NCKAP5: variants seen among roughly 807,000 people sequenced by gnomAD.
NCKAP5 encodes NCK associated protein 5, also known as nck-associated protein 5.
In NCKAP5, 92 loss-of-function variants were observed where a neutral mutation model predicts 167.0. The ratio of observed to expected loss-of-function variants is 0.55; its 90% CI spans 0.47 to 0.66. The LOEUF is 0.66. NCKAP5 is among the 30% of genes least tolerant of loss of function. NCKAP5 has a pLI of 0.00. For synonymous variants in NCKAP5, 891 were observed against 877.4 expected (o/e 1.02, Z -0.27); for missense variants, 2,378 against 2,315.0 (o/e 1.03, Z -0.56).
chr2:132,695,296 T>G (rs897590525), intron 19 of NCKAP5, among the ~76,000 whole-genome samples: 3 of 152,160 alleles, frequency 2.0e-5, no homozygotes, highest in Admixed American at 6.5e-5. Context: ...AAAAAAAGTC[T>G]GTTATTTTCT....
At chr2:133,517,931 C>T (rs1684148617) in intron 2 of NCKAP5, among the ~76,000 whole-genome samples, 1 of 152,160 alleles carries the variant, frequency 6.6e-6, no homozygotes, top group Non-Finnish European at 1.5e-5. Flanking sequence ...TTACTGTGCA[C>T]ATAGATGCTG....
At chr2:133,291,010 A>C (rs1184742484) in intron 4 of NCKAP5, among the ~76,000 whole-genome samples, 1 of 152,102 alleles carries the variant, frequency 6.6e-6, no homozygotes, top group Admixed American at 6.6e-5. Context: ...GTGAGCCACC[A>C]TGCTTGGACA....
chr2:132,673,076 G>C lies in NCKAP5; in HGVS notation c.*213C>G. ...ACAGGAAGAGAAGCTATCATATAAA[G>C]AATCACTCAAAGATTCCAAGTTGTC... On this transcript the variant is annotated 3_prime_UTR_variant, in exon 20 of 20. Coordinates refer to ENST00000409261, the MANE Select transcript of NCKAP5 (RefSeq NM_207363.3). The C allele has an allele frequency of 1.7e-6, 2 of 1,182,884 alleles. No homozygotes were observed. Among genetic ancestry groups the C allele is most frequent in the South Asian group, 6.7e-5 (2 of 29,884 alleles). 73.3% of individuals were successfully genotyped at this position (1,182,884 alleles called of 1,614,324 possible).
At position 132,955,892 on chromosome 2, in the gene NCKAP5, G is replaced by A. The variant is rs141326944; in HGVS notation, c.579+7828C>T. Reference sequence around the variant, plus strand: ...ACATCTCATTGTGGTTTTGATTTGCGTTTCTCTAATGATCAGTGATGGTGA... The same window carrying A: ...ACATCTCATTGTGGTTTTGATTTGCATTTCTCTAATGATCAGTGATGGTGA... On this transcript the variant is annotated intron_variant, in intron 8 of 19. Coordinates refer to ENST00000409261, the MANE Select transcript of NCKAP5 (RefSeq NM_207363.3). Among the ~76,000 whole-genome samples the A allele has an allele frequency of 3.0e-4, 45 of 152,062 alleles. No individual in the cohort carries two copies. In the East Asian group the frequency reaches 6.4e-3, roughly 22 times the overall value.
intron 5 of NCKAP5, among the ~76,000 whole-genome samples, chr2:133,210,417 A>C (rs987884497): frequency 6.6e-6 from 1 of 152,078 alleles, no homozygotes; most frequent in Non-Finnish European, 1.5e-5. Flanking sequence ...TGCTTACATA[A>C]TTTCTTCTAT....
intron 2 of NCKAP5, among the ~76,000 whole-genome samples, chr2:133,524,950 A>G (rs1344249199): frequency 1.3e-5 from 2 of 152,136 alleles, no homozygotes; most frequent in South Asian, 2.1e-4. Context: ...GCATGTGTGT[A>G]CATGCGCATG....
the NCKAP5 span, among the ~76,000 whole-genome samples, chr2:133,600,370 G>T: frequency 6.6e-6 from 1 of 152,124 alleles, no homozygotes. Flanking sequence ...CAGGAAGAAA[G>T]AGAGAGAAGT....
At chr2:133,196,266 G>A (rs184973266) in intron 5 of NCKAP5, among the ~76,000 whole-genome samples, 81 of 152,250 alleles carry the variant, frequency 5.3e-4, no homozygotes, top group South Asian at 2.3e-3. Flanking sequence ...TGAAAGCTAA[G>A]AGCAGGGAAC....
intron 3 of NCKAP5, among the ~76,000 whole-genome samples, chr2:133,429,437 A>C (rs1690017544): frequency 6.6e-6 from 1 of 152,020 alleles, no homozygotes; most frequent in Non-Finnish European, 1.5e-5. Flanking sequence ...AAAAAGTTTT[A>C]CAGTCCTTCC....
intron 11 of NCKAP5, among the ~76,000 whole-genome samples, chr2:132,829,419 G>A (rs1687363260): frequency 6.6e-6 from 1 of 152,092 alleles, no homozygotes. Flanking sequence ...ACACGGATTT[G>A]CACACCACAA....
At chr2:133,006,890 C>T (rs980838178) in intron 6 of NCKAP5, among the ~76,000 whole-genome samples, 25 of 152,160 alleles carry the variant, frequency 1.6e-4, no homozygotes, top group Non-Finnish European at 2.9e-5. Context: ...CCCATCTAGC[C>T]GTATGGATGC....
chr2:133,521,766 A>G (rs1232419129), intron 2 of NCKAP5, among the ~76,000 whole-genome samples: 1 of 152,252 alleles, frequency 6.6e-6, no homozygotes, highest in Admixed American at 6.5e-5. Context: ...CTCCAAATAC[A>G]GTCACATTGG....
chr2:132,763,010 A>C (rs754307509), intron 16 of NCKAP5, among the ~76,000 whole-genome samples: 25 of 152,234 alleles, frequency 1.6e-4, no homozygotes, highest in Non-Finnish European at 2.8e-4. Flanking sequence ...TCATATGAAT[A>C]CATGATTCTA....
At chr2:133,594,899 T>G in the NCKAP5 span, among the ~76,000 whole-genome samples, 1 of 152,108 alleles carries the variant, frequency 6.6e-6, no homozygotes, top group Admixed American at 6.5e-5. Flanking sequence ...CATTCATTCA[T>G]TCATTCGACA....
intron 16 of NCKAP5, among the ~76,000 whole-genome samples, chr2:132,770,795 C>T (rs947530396): frequency 6.6e-5 from 10 of 152,106 alleles, no homozygotes; most frequent in African/African-American, 1.9e-4. Context: ...TGGCCAATGA[C>T]GAACTGCATA....
chr2:133,647,063 A>T, the NCKAP5 span, among the ~76,000 whole-genome samples: 48 of 152,140 alleles, frequency 3.2e-4, 1 homozygote. Context: ...CAAGAGAAGA[A>T]AAAAACAGAT....
chr2:132,893,147 T>C (rs1038589042), intron 8 of NCKAP5, among the ~76,000 whole-genome samples: 10 of 152,124 alleles, frequency 6.6e-5, no homozygotes, highest in Non-Finnish European at 2.9e-5. Flanking sequence ...AATGAAAACA[T>C]CTTACATGGC....
chr2:133,392,180 G>A (rs1687456031), intron 3 of NCKAP5, among the ~76,000 whole-genome samples: 1 of 152,164 alleles, frequency 6.6e-6, no homozygotes, highest in Non-Finnish European at 1.5e-5. Context: ...AGTCCCATAA[G>A]ATTATAAAAC....
chr2:133,571,753 A>C (rs1487900627), upstream of NCKAP5, among the ~76,000 whole-genome samples: 1 of 152,164 alleles, frequency 6.6e-6, no homozygotes, highest in Non-Finnish European at 1.5e-5. Flanking sequence ...GGGACCTACA[A>C]GGACCATGAT....
Sources: gnomAD v4.1 joint callset for allele counts (sites outside exome capture counted in the v4.1 genomes callset) on GRCh38, gnomAD v4.1.1 for gene constraint, MANE v1.5 for transcripts, NCBI Gene and HGNC (gene_info 2026-07-23, HGNC 2026-07-21) for gene names.